CEMIP: variants seen among roughly 807,000 people sequenced by gnomAD.
The protein encoded by CEMIP is cell migration inducing hyaluronidase 1.
In CEMIP, 105 loss-of-function variants were observed where a neutral mutation model predicts 156.9. The ratio of observed to expected loss-of-function variants is 0.67; its 90% CI spans 0.57 to 0.79. The LOEUF is 0.79. Ranked by LOEUF, CEMIP falls within the 30% of genes least tolerant of loss-of-function variation. The pLI, the probability that CEMIP is intolerant of heterozygous loss-of-function variation, is 0.00. For missense variants in CEMIP, 1,457 were observed against 1,769.4 expected (o/e 0.82, Z 3.17); for synonymous variants, 676 against 668.4 (o/e 1.01, Z -0.17).
At chr15:80,899,587 C>T (rs956360103) in intron 12 of CEMIP, among the ~76,000 whole-genome samples, 2 of 152,032 alleles carry the variant, frequency 1.3e-5, no homozygotes, top group South Asian at 2.1e-4. Context: ...GTGCATGAGG[C>T]GTTCCAGCTA....
intron 23 of CEMIP, among the ~76,000 whole-genome samples, chr15:80,935,760 T>A (rs1218029490): frequency 1.3e-5 from 2 of 152,152 alleles, no homozygotes; most frequent in Non-Finnish European, 2.9e-5. Flanking sequence ...AGATGGAGTT[T>A]CGCTCTTGTT....
At chr15:80,796,431 G>A (rs537815725) in intron 1 of CEMIP, among the ~76,000 whole-genome samples, 1 of 152,322 alleles carries the variant, frequency 6.6e-6, no homozygotes, top group Admixed American at 6.5e-5. Flanking sequence ...GAGCTCTGAT[G>A]GAGAACTTGA....
At chr15:80,853,360 A>T (rs1897759147) in intron 1 of CEMIP, among the ~76,000 whole-genome samples, 1 of 152,258 alleles carries the variant, frequency 6.6e-6, no homozygotes, top group Non-Finnish European at 1.5e-5. Context: ...GACTGGAACC[A>T]GGAGAAAAAT....
intron 1 of CEMIP, among the ~76,000 whole-genome samples, chr15:80,789,688 T>C (rs531617919): frequency 6.6e-6 from 1 of 152,308 alleles, no homozygotes; most frequent in African/African-American, 2.4e-5. Context: ...GCCTGAACTT[T>C]CCAGGTGACT....
chr15:80,893,999 G>A (rs1013961037), intron 10 of CEMIP, among the ~76,000 whole-genome samples: 1 of 152,136 alleles, frequency 6.6e-6, no homozygotes, highest in Non-Finnish European at 1.5e-5. Context: ...CTCTGGGATG[G>A]GCCCCAGCTG....
At chr15:80,894,424 T>G (rs929475511) in intron 10 of CEMIP, among the ~76,000 whole-genome samples, 5 of 152,126 alleles carry the variant, frequency 3.3e-5, no homozygotes, top group African/African-American at 1.2e-4. Flanking sequence ...TGAGATAATA[T>G]AGGTAAACAT....
At chr15:80,926,671 A>G (rs781307378) in intron 19 of CEMIP, among the ~76,000 whole-genome samples, 6 of 152,094 alleles carry the variant, frequency 3.9e-5, no homozygotes, top group Non-Finnish European at 4.4e-5. Context: ...TGAGAGACAG[A>G]GAAGGGGAGG....
intron 1 of CEMIP, among the ~76,000 whole-genome samples, chr15:80,865,849 A>G (rs947301707): frequency 6.6e-6 from 1 of 152,140 alleles, no homozygotes; most frequent in African/African-American, 2.4e-5. Context: ...TCATTAGGAC[A>G]TATCTGGTTT....
At chr15:80,885,864 G>A (rs1012382772) in intron 7 of CEMIP, among the ~76,000 whole-genome samples, 9 of 152,214 alleles carry the variant, frequency 5.9e-5, no homozygotes, top group African/African-American at 9.7e-5. Context: ...GTGGGCACTC[G>A]CCGTCTTTTG....
chr15:80,875,975 T>G (rs533922159), intron 3 of CEMIP, among the ~76,000 whole-genome samples: 1 of 152,276 alleles, frequency 6.6e-6, no homozygotes, highest in East Asian at 1.9e-4. Flanking sequence ...CACCTCCAAA[T>G]CCAGATGCAA....
chr15:80,842,140 T>A (rs1461125915), intron 1 of CEMIP: 5 of 506,378 alleles, frequency 9.9e-6, no homozygotes. Context: ...TAGAAACACG[T>A]TGGGTACCAT....
chr15:80,894,916 A>C, intron 10 of CEMIP, 74 bp from the exon 11 acceptor site: 1 of 1,571,528 alleles, frequency 6.4e-7, no homozygotes. Context: ...GTATATGTTT[A>C]GAACATTAAT....
In CEMIP at chr15:80,887,772, A is replaced by G. The variant is rs1340026245; in HGVS notation, c.868+8A>G. On this transcript the variant is annotated splice_region_variant and intron_variant, in intron 8 of 29. Transcript: ENST00000394685. ...ACCATATTGAATATCATGGTAATAC[A>G]TAGCTGGCTGGAGGCCTGATTCCCT... 6.8e-6 allele frequency: 11 copies of G among 1,609,756 alleles called. No homozygotes were observed. The highest frequency in any genetic ancestry group is 1.7e-5 in the Admixed American group (1 of 60,006).
intron 1 of CEMIP, among the ~76,000 whole-genome samples, chr15:80,836,414 G>A (rs1244641605): frequency 2.6e-5 from 4 of 152,226 alleles, no homozygotes; most frequent in Non-Finnish European, 4.4e-5. Flanking sequence ...ATCCCTGCGG[G>A]TTGTCTCTGG....
intron 7 of CEMIP, 74 bp downstream of exon 7, chr15:80,884,428 T>A: frequency 2.0e-6 from 3 of 1,478,446 alleles, no homozygotes; most frequent in Non-Finnish European, 2.8e-6. Context: ...GAATTTACCT[T>A]TCCCATCTCC....
intron 1 of CEMIP, among the ~76,000 whole-genome samples, chr15:80,792,721 G>A (rs1896112654): frequency 6.6e-6 from 1 of 152,112 alleles, no homozygotes; most frequent in African/African-American, 2.4e-5. Flanking sequence ...GCAAGCTATG[G>A]GCAGTAGCTG....
chr15:80,881,238 G>T, intron 6 of CEMIP, 102 bp downstream of exon 6: 1 of 1,012,144 alleles, frequency 9.9e-7, no homozygotes, highest in South Asian at 1.3e-5. Flanking sequence ...GAGAACAGCA[G>T]TGAATGAAAC....
At chr15:80,884,135 G>A (rs562929408) in intron 6 of CEMIP, 40 bp from the exon 7 acceptor site, 48 of 1,605,972 alleles carry the variant, frequency 3.0e-5, no homozygotes, top group Middle Eastern at 3.4e-4. Flanking sequence ...TTTTGGCTGC[G>A]GTCAAGACTA....
chr15:80,936,792 A>G lies in CEMIP; in HGVS notation c.3128A>G (p.Tyr1043Cys). The G allele has an allele frequency of 6.2e-7, 1 of 1,614,116 alleles. No individual in the cohort carries two copies. Among genetic ancestry groups the G allele is most frequent in the Non-Finnish European group, 8.5e-7 (1 of 1,180,032 alleles). ...ACCAGGAGCACCCATTACCAGCAATACCAACCGGTTGTCACCCTGCAGAAG... is the reference window on the plus strand; with the variant it reads ...ACCAGGAGCACCCATTACCAGCAATGCCAACCGGTTGTCACCCTGCAGAAG... ...ALTRSTHYQQ[Y>C]QPVVTLQKGY... Residue 1043 changes from tyrosine (Y) to cysteine (C), a missense_variant, in exon 24 of 30, where the codon TAC becomes TGC. This residue lies in a region of CEMIP where 798 missense variants were observed against 980.1 expected (regional missense o/e 0.81). Coordinates refer to ENST00000394685, the MANE Select transcript of CEMIP (RefSeq NM_001293298.2).
Sources: gnomAD v4.1 joint callset for allele counts (sites outside exome capture counted in the v4.1 genomes callset) on GRCh38, gnomAD v4.1.1 for gene constraint, gnomAD v4.1.1 regional missense constraint, MANE v1.5 for transcripts, NCBI Gene and HGNC (gene_info 2026-07-23, HGNC 2026-07-21) for gene names.